CACNA1E: variants seen among roughly 807,000 people sequenced by gnomAD.
The protein encoded by CACNA1E is voltage-dependent R-type calcium channel subunit alpha-1E.
A neutral mutation model predicts 259.2 loss-of-function variants in CACNA1E; 40 were observed. The ratio of observed to expected loss-of-function variants is 0.15; its 90% CI spans 0.12 to 0.20. The LOEUF (loss-of-function observed/expected upper bound fraction) is 0.20. Ranked by LOEUF, CACNA1E falls within the 10% of genes least tolerant of loss-of-function variation. CACNA1E has a pLI of 1.00. For synonymous variants in CACNA1E, 1,104 were observed against 1,138.5 expected, an observed-to-expected ratio of 0.97 and a Z score of 0.61; for missense variants, 1,874 against 3,040.1, an observed-to-expected ratio of 0.62 and a Z score of 9.02.
chr1:181,574,548 T>C (rs1319614080), intron 3 of CACNA1E, among the ~76,000 whole-genome samples: 1 of 152,218 alleles, frequency 6.6e-6, no homozygotes, highest in Non-Finnish European at 1.5e-5. Context: ...TGCCAGTCAC[T>C]GGGCTAGGTT....
chr1:181,766,874 T>G (rs753323590), intron 35 of CACNA1E, among the ~76,000 whole-genome samples: 68 of 152,218 alleles, frequency 4.5e-4, no homozygotes, highest in Non-Finnish European at 6.9e-4. Context: ...CATAAGCAGC[T>G]GGGCTTCTGT....
At chr1:181,632,380 C>G (rs73059730) in intron 6 of CACNA1E, among the ~76,000 whole-genome samples, 2,329 of 152,208 alleles carry the variant, frequency 0.015, 46 homozygotes, top group African/African-American at 0.049. Context: ...CACTGGCTCT[C>G]TGTGTCATCC....
chr1:181,484,919 G>A (rs1307044970), intron 1 of CACNA1E, among the ~76,000 whole-genome samples: 4 of 152,240 alleles, frequency 2.6e-5, no homozygotes, highest in Admixed American at 6.5e-5. Flanking sequence ...TGGTGGTGGT[G>A]TCAGGGTGAA....
rs184843368 is a variant in CACNA1E, at chr1:181,759,244, T to C, written c.4605+376T>C. ...CAGTTTTATAACACAAATGGGAAAA[T>C]AACTATCTCTCTTAGCCTCAAACAT... On this transcript the variant is annotated intron_variant, in intron 32 of 47. Transcript: ENST00000367573. Among the ~76,000 whole-genome samples the C allele has an allele frequency of 2.7e-3, 410 of 152,296 alleles. 3 individuals are homozygous for C. The highest frequency in any genetic ancestry group is 9.7e-3 in the African/African-American group (402 of 41,546).
In CACNA1E at chr1:181,798,660, G is replaced by A. The variant is rs1572924368; in HGVS notation, c.6768G>A (p.Val2256=). The A allele has an allele frequency of 6.2e-7, 1 of 1,610,252 alleles. No individual in the cohort carries two copies. ...EEETLTFEAA[V]ATSLGRSNTI... ...AGACGCTCACTTTCGAAGCAGCCGT[G>A]GCTACTAGCCTGGGCCGTTCCAACA... Residue 2256 remains valine, a synonymous_variant, in exon 48 of 48, where the codon GTG becomes GTA. Coordinates refer to ENST00000367573, the MANE Select transcript of CACNA1E (RefSeq NM_001205293.3). This position sits in a 1 kb window ranked among gnomAD's most constrained non-coding sequence, Gnocchi z 4.2.
At chr1:181,390,325 A>ATTTT (rs549400492) in intron 1 of CACNA1E, among the ~76,000 whole-genome samples, 1 of 143,296 alleles carries the variant, frequency 7.0e-6, no homozygotes, top group African/African-American at 2.7e-5. Flanking sequence ...TTATTTATTT[A>ATTTT]TTTATTTGTT....
chr1:181,785,759 A>G lies in CACNA1E; in HGVS notation c.5726A>G (p.Gln1909Arg), dbSNP rs1406883950. Residue 1909 changes from glutamine (Q) to arginine (R), a missense_variant, in exon 43 of 48, where the codon CAG becomes CGG. Transcript: ENST00000367573. ...FQRMEPSSLPQEIIANAKALP... is the reference protein window; with the variant it reads ...FQRMEPSSLPREIIANAKALP... ...CGCATGGAGCCTTCATCTCTGCCTC[A>G]GGAGATCATTGCTAATGCCAAAGCC... The G allele has an allele frequency of 4.3e-6, 7 of 1,613,222 alleles. No homozygotes were observed. Among genetic ancestry groups the G allele is most frequent in the Non-Finnish European group, 4.2e-6 (5 of 1,179,720 alleles).
At chr1:181,518,440 G>C (rs1176213934) in intron 3 of CACNA1E, among the ~76,000 whole-genome samples, 8 of 152,192 alleles carry the variant, frequency 5.3e-5, no homozygotes, top group Non-Finnish European at 1.0e-4. Context: ...CATTATTTCT[G>C]TTCCAATTGC....
At chr1:181,532,888 A>G (rs549179391) in intron 3 of CACNA1E, among the ~76,000 whole-genome samples, 1 of 152,212 alleles carries the variant, frequency 6.6e-6, no homozygotes, top group African/African-American at 2.4e-5. Context: ...CCTGGTTACC[A>G]TTCGCTTTAT....
intron 1 of CACNA1E, among the ~76,000 whole-genome samples, chr1:181,337,831 A>G (rs1214863036): frequency 6.6e-6 from 1 of 152,212 alleles, no homozygotes; most frequent in Non-Finnish European, 1.5e-5. Context: ...GAAAGTGCAA[A>G]TATCTCTACA....
At chr1:181,699,862 G>C (rs146632192) in intron 7 of CACNA1E, among the ~76,000 whole-genome samples, 2 of 152,126 alleles carry the variant, frequency 1.3e-5, no homozygotes, top group African/African-American at 4.8e-5. Context: ...AGGTGGGAGA[G>C]ACTAGAGGAG....
In CACNA1E at chr1:181,430,893, A is replaced by G. The variant is rs573088015; in HGVS notation, c.434+17313A>G. Reference sequence around the variant, plus strand: ...GTAATTCTTAGCTGTCTGATATTACATAAGTTACTTAGCCTTCCTGAACCT... The same window carrying G: ...GTAATTCTTAGCTGTCTGATATTACGTAAGTTACTTAGCCTTCCTGAACCT... On this transcript the variant is annotated intron_variant, in intron 2 of 11. Transcript: ENST00000524607. Among the ~76,000 whole-genome samples the G allele has an allele frequency of 2.5e-4, 38 of 152,324 alleles. No individual in the cohort carries two copies. The South Asian group carries it at 7.5e-3, about 30-fold the overall frequency.
At chr1:181,541,740 A>C (rs1181358731) in intron 3 of CACNA1E, among the ~76,000 whole-genome samples, 1 of 152,168 alleles carries the variant, frequency 6.6e-6, no homozygotes, top group Non-Finnish European at 1.5e-5. Context: ...GGAGTATTAG[A>C]GATCTTGTTT....
Position 181,375,375 on chromosome 1 carries a change from A to G in CACNA1E, c.-14-37758A>G, listed in dbSNP as rs140608558. Among the ~76,000 whole-genome samples, 502 of 152,316 alleles carry G rather than the reference A, an allele frequency of 3.3e-3. 3 individuals carry two copies. The highest frequency in any genetic ancestry group is 0.011 in the African/African-American group (467 of 41,570). On this transcript the variant is annotated intron_variant, in intron 1 of 11. Transcript: ENST00000524607. ...ATGGACTGATGTTTATGTCCCCCCA[A>G]CAGATTCATATGTTGAAATCTAACC...
At chr1:181,512,713 G>A (rs921438632) in intron 3 of CACNA1E, among the ~76,000 whole-genome samples, 7 of 152,206 alleles carry the variant, frequency 4.6e-5, no homozygotes, top group African/African-American at 1.4e-4. Flanking sequence ...ATGGAAGCAC[G>A]TAAGCAGCCA....
At chr1:181,720,579 T>C (rs1316130411) in intron 14 of CACNA1E, among the ~76,000 whole-genome samples, 1 of 152,156 alleles carries the variant, frequency 6.6e-6, no homozygotes, top group Non-Finnish European at 1.5e-5. Flanking sequence ...ATGTGCAGCG[T>C]GGGCACATTC....
At chr1:181,662,809 C>T (rs760153714) in intron 7 of CACNA1E, among the ~76,000 whole-genome samples, 2 of 152,208 alleles carry the variant, frequency 1.3e-5, no homozygotes, top group Non-Finnish European at 2.9e-5. Context: ...AGCTGACCAT[C>T]CATGGCACCC....
chr1:181,368,733 A>G (rs201900662), intron 1 of CACNA1E, among the ~76,000 whole-genome samples: 4 of 152,216 alleles, frequency 2.6e-5, no homozygotes, highest in South Asian at 4.1e-4. Flanking sequence ...GTATAAACAA[A>G]GCCCCTCGCA....
At position 181,807,756 on chromosome 1, in the gene CACNA1E, T is replaced by C. The variant is rs549934374; in HGVS notation, c.*8922T>C. ...TGATTAAAAACATCCAAAAATGTGA[T>C]ATGTGGTCATCTCTCAGGGAGGTCT... On this transcript the variant is annotated 3_prime_UTR_variant, in exon 48 of 48. Coordinates refer to ENST00000367573, the MANE Select transcript of CACNA1E (RefSeq NM_001205293.3). The C allele has an allele frequency of 6.6e-6, 1 of 152,244 alleles. No homozygotes were observed. The highest frequency in any genetic ancestry group is 1.9e-4 in the East Asian group (1 of 5,178). 9.4% of individuals were successfully genotyped at this position (152,244 alleles called of 1,614,324 possible). A position where few individuals can be genotyped will look rare whatever the true frequency, so the allele number is the denominator to read the frequency against.
Sources: allele counts gnomAD v4.1 joint callset (sites outside exome capture counted in the v4.1 genomes callset), GRCh38; gene constraint gnomAD v4.1.1; non-coding constraint Gnocchi (gnomAD v3.1); transcripts MANE v1.5; gene names NCBI Gene and HGNC (gene_info 2026-07-23, HGNC 2026-07-21).